XPO4: variants seen among roughly 807,000 people sequenced by gnomAD.
XPO4 encodes the protein exportin 4, also known as exportin-4.
In XPO4, 39 loss-of-function variants were observed where a neutral mutation model predicts 143.0. The observed-to-expected ratio is 0.27, with a 90% CI of 0.21 to 0.36. The LOEUF is 0.36. XPO4 is among the 10% of genes least tolerant of loss of function. The pLI is 1.00. For synonymous variants in XPO4, 439 were observed against 474.0 expected, an observed-to-expected ratio of 0.93 and a Z score of 0.96; for missense variants, 907 against 1,348.0, an observed-to-expected ratio of 0.67 and a Z score of 5.12.
chr13:20,884,769 G>A (rs2060445486), intron 1 of XPO4, among the ~76,000 whole-genome samples: 1 of 152,058 alleles, frequency 6.6e-6, no homozygotes, highest in African/African-American at 2.4e-5. Context: ...AGGATCACTT[G>A]AGCCCAAACG....
chr13:20,848,009 G>C lies in XPO4; in HGVS notation c.457-4123C>G, dbSNP rs530277911. Among the ~76,000 whole-genome samples the C allele has an allele frequency of 6.6e-5, 10 of 152,244 alleles. No homozygotes were observed. The South Asian group carries it at 2.1e-3, about 32-fold the overall frequency. Reference sequence around the variant, plus strand: ...GATATTATACTTAAGTGACTACTTGGAAGCTACTAAAACATAAGGGGCCTT... The same window carrying C: ...GATATTATACTTAAGTGACTACTTGCAAGCTACTAAAACATAAGGGGCCTT... On this transcript the variant is annotated intron_variant, in intron 4 of 22. Coordinates refer to ENST00000255305, the MANE Select transcript of XPO4 (RefSeq NM_022459.5).
At chr13:20,866,722 A>G (rs560372957) in intron 2 of XPO4, among the ~76,000 whole-genome samples, 147 of 152,360 alleles carry the variant, frequency 9.6e-4, no homozygotes, top group Non-Finnish European at 1.8e-3. Context: ...AACTAGCAAT[A>G]CTACTCTTTA....
intron 1 of XPO4, among the ~76,000 whole-genome samples, chr13:20,893,186 G>C (rs757154100): frequency 3.9e-5 from 6 of 152,176 alleles, no homozygotes; most frequent in Non-Finnish European, 8.8e-5. Flanking sequence ...AGCCTCACAA[G>C]GTGCAAACAT....
chr13:20,827,362 A>G (rs982904516), intron 6 of XPO4, among the ~76,000 whole-genome samples, 183 bp from the exon 7 acceptor site: 5 of 152,248 alleles, frequency 3.3e-5, no homozygotes, highest in African/African-American at 1.2e-4. Context: ...GCCTGGGGAA[A>G]AAAAGAATGT....
At position 20,889,781 on chromosome 13, in the gene XPO4, C is replaced by CT. The variant is rs34103486; in HGVS notation, c.69+12888dup. Among the ~76,000 whole-genome samples, 1,356 of 152,272 alleles carry CT rather than the reference C, an allele frequency of 8.9e-3. 10 individuals are homozygous for CT. Among genetic ancestry groups the CT allele is most frequent in the Middle Eastern group, 0.037 (11 of 294 alleles). On this transcript the variant is annotated intron_variant, in intron 1 of 22. Coordinates refer to ENST00000255305, the MANE Select transcript of XPO4 (RefSeq NM_022459.5). Reference sequence around the variant, plus strand: ...ACGACATGTGATATCATTCTTTCATCTTCTTTGATTTGTGTGTAAAAAATT... The same window carrying CT: ...ACGACATGTGATATCATTCTTTCATCTTTCTTTGATTTGTGTGTAAAAAATT...
intron 11 of XPO4, 69 bp from the exon 12 acceptor site, chr13:20,808,650 C>G: frequency 1.5e-6 from 2 of 1,310,412 alleles, no homozygotes; most frequent in East Asian, 2.4e-5. Flanking sequence ...TTACAACTTC[C>G]ATATATTAGA....
intron 1 of XPO4, among the ~76,000 whole-genome samples, chr13:20,881,945 T>C (rs1376738984): frequency 6.6e-6 from 1 of 151,364 alleles, no homozygotes; most frequent in African/African-American, 2.4e-5. Context: ...CCGTCTCTAC[T>C]AAAAATACAA....
chr13:20,887,711 A>G (rs1237791649), intron 1 of XPO4, among the ~76,000 whole-genome samples: 3 of 151,906 alleles, frequency 2.0e-5, no homozygotes, highest in African/African-American at 7.3e-5. Flanking sequence ...AAAAATTTCA[A>G]TTAGCCTGGC....
At chr13:20,839,485 A>G (rs186336485) in intron 6 of XPO4, among the ~76,000 whole-genome samples, 219 of 152,326 alleles carry the variant, frequency 1.4e-3, no homozygotes, top group African/African-American at 5.1e-3. Context: ...ATTAAAAAAC[A>G]CTGAATTATA....
At chr13:20,893,304 T>C (rs778730795) in intron 1 of XPO4, among the ~76,000 whole-genome samples, 12 of 152,200 alleles carry the variant, frequency 7.9e-5, no homozygotes, top group Non-Finnish European at 1.5e-4. Context: ...CTGCAAATTA[T>C]GTAGGTAGCC....
At chr13:20,902,149 C>T (rs1026605712) in intron 1 of XPO4, 1 of 985,268 alleles carries the variant, frequency 1.0e-6, no homozygotes, top group Non-Finnish European at 1.2e-6. Flanking sequence ...CCGGCCCTTC[C>T]ACGTGCTGCC....
chr13:20,799,762 G>A (rs571426702), intron 15 of XPO4, among the ~76,000 whole-genome samples: 2 of 152,276 alleles, frequency 1.3e-5, no homozygotes, highest in South Asian at 4.1e-4. Flanking sequence ...TTCTAGAATT[G>A]TTGTAGAAAG....
At chr13:20,898,115 A>G (rs548277372) in intron 1 of XPO4, among the ~76,000 whole-genome samples, 105 of 152,348 alleles carry the variant, frequency 6.9e-4, no homozygotes, top group Non-Finnish European at 1.3e-3. Flanking sequence ...GACTGATATG[A>G]GAATGAAGAC....
intron 1 of XPO4, among the ~76,000 whole-genome samples, chr13:20,899,169 G>A (rs74036471): frequency 0.021 from 3,201 of 152,100 alleles, 90 homozygotes; most frequent in Middle Eastern, 0.075. Context: ...GGCGGTTCCT[G>A]GAACTAACCT....
chr13:20,826,982 T>C (rs746549974), intron 7 of XPO4, 85 bp downstream of exon 7: 245 of 872,332 alleles, frequency 2.8e-4, no homozygotes, highest in Admixed American at 3.6e-4. Flanking sequence ...AGAAAAGCAA[T>C]CTGTTCTGTT....
At chr13:20,865,666 C>A in intron 2 of XPO4, 1 of 874,764 alleles carries the variant, frequency 1.1e-6, no homozygotes, top group Non-Finnish European at 1.4e-6. Flanking sequence ...AAAAGCACTA[C>A]ATTCTGACCA....
Position 20,796,824 on chromosome 13 carries a change from G to T in XPO4, c.2556C>A (p.Val852=). 6.2e-7 allele frequency: 1 copy of T among 1,613,976 alleles called. No individual in the cohort carries two copies. The highest frequency in any genetic ancestry group is 1.1e-5 in the South Asian group (1 of 91,030). Residue 852 remains valine (V), a synonymous_variant, in exon 17 of 23, where the codon GTC becomes GTA. Transcript: ENST00000255305. ...MEVYKNTPET[V]NLIIEVFVEV... ...CAACAAAAACTTCTATAATGAGATT[G>T]ACAGTCTCTGGGGTATTCTTGTAAA...
At chr13:20,810,999 G>A (rs1007668397) in intron 9 of XPO4, among the ~76,000 whole-genome samples, 1 of 152,182 alleles carries the variant, frequency 6.6e-6, no homozygotes, top group Non-Finnish European at 1.5e-5. Flanking sequence ...AGAGTTACTT[G>A]TGGTCCAAGA....
intron 6 of XPO4, among the ~76,000 whole-genome samples, chr13:20,833,365 A>T (rs1478997921): frequency 2.0e-5 from 3 of 152,166 alleles, no homozygotes; most frequent in Non-Finnish European, 2.9e-5. Flanking sequence ...AGGACCTCCC[A>T]TGGTTACCAA....
Sources: gnomAD v4.1 joint callset for allele counts (sites outside exome capture counted in the v4.1 genomes callset) on GRCh38, gnomAD v4.1.1 for gene constraint, MANE v1.5 for transcripts, NCBI Gene and HGNC (gene_info 2026-07-23, HGNC 2026-07-21) for gene names.